Variants in NTM observed in about 807,000 individuals in gnomAD.
The protein encoded by NTM is neurotrimin.
Under a neutral mutation model 42.1 loss-of-function variants are expected in NTM, and 13 were observed. That is an observed-to-expected ratio of 0.31 (90% CI 0.20 to 0.49). The LOEUF is 0.49. Among genes scored for constraint, NTM ranks in the 20% least tolerant of loss-of-function variants. The pLI is 0.99. For missense variants in NTM, 373 were observed against 452.8 expected, an observed-to-expected ratio of 0.82 and a Z score of 1.60; for synonymous variants, 187 against 179.2, an observed-to-expected ratio of 1.04 and a Z score of -0.35.
chr11:131,822,389 T>C (rs539369761), intron 1 of NTM, among the ~76,000 whole-genome samples: 7 of 152,338 alleles, frequency 4.6e-5, no homozygotes, highest in African/African-American at 1.7e-4. Flanking sequence ...CAATGTTTTC[T>C]ATACACCAGT....
chr11:131,995,693 T>C (rs564300975), intron 2 of NTM, among the ~76,000 whole-genome samples: 7 of 152,156 alleles, frequency 4.6e-5, no homozygotes, highest in African/African-American at 1.7e-4. Context: ...GTCCTGTTGC[T>C]TGCTACACAG....
chr11:131,496,039 T>C (rs1177407504), intron 1 of NTM, among the ~76,000 whole-genome samples: 3 of 152,202 alleles, frequency 2.0e-5, no homozygotes, highest in African/African-American at 7.2e-5. Flanking sequence ...CTCATTAGGA[T>C]TGAAGGAAAG....
chr11:131,423,445 A>C (rs1947737203), intron 1 of NTM, among the ~76,000 whole-genome samples: 1 of 152,200 alleles, frequency 6.6e-6, no homozygotes, highest in Admixed American at 6.5e-5. Flanking sequence ...CTAAGTTTTG[A>C]AGTTTTCTAG....
chr11:131,548,625 C>G (rs2054254157), intron 1 of NTM, among the ~76,000 whole-genome samples: 1 of 152,190 alleles, frequency 6.6e-6, no homozygotes, highest in Non-Finnish European at 1.5e-5. Context: ...TGACTTCTTT[C>G]TATTCCGATC....
chr11:131,535,588 C>T (rs1202311764), intron 1 of NTM: 1 of 152,158 alleles, frequency 6.6e-6, no homozygotes, highest in Non-Finnish European at 1.5e-5. Flanking sequence ...CCTCCCATTC[C>T]AGGTGCACAG....
chr11:131,743,913 A>G (rs117313862), intron 1 of NTM, among the ~76,000 whole-genome samples: 3,143 of 152,306 alleles, frequency 0.021, 52 homozygotes, highest in Middle Eastern at 0.071. Flanking sequence ...CCAAATGTAT[A>G]CTTTGTGGTT....
At chr11:132,290,552 A>G (rs886576298) in intron 4 of NTM, among the ~76,000 whole-genome samples, 2 of 152,208 alleles carry the variant, frequency 1.3e-5, no homozygotes, top group Admixed American at 6.5e-5. Context: ...CTAGTAAATT[A>G]TAAATTTATT....
At chr11:131,794,933 T>C (rs919062113) in intron 1 of NTM, 11 of 985,078 alleles carry the variant, frequency 1.1e-5, no homozygotes, top group Middle Eastern at 5.2e-4. Flanking sequence ...GCTTTGGAGT[T>C]AGGGGAACCT....
At chr11:131,459,502 T>C (rs1440486993) in intron 1 of NTM, among the ~76,000 whole-genome samples, 2 of 150,136 alleles carry the variant, frequency 1.3e-5, no homozygotes, top group South Asian at 2.1e-4. Context: ...AGAAAGACTA[T>C]AGAAAAAAAA....
intron 1 of NTM, among the ~76,000 whole-genome samples, chr11:131,621,628 T>C (rs1193280970): frequency 1.1e-5 from 1 of 92,308 alleles, no homozygotes; most frequent in African/African-American, 4.9e-5. Flanking sequence ...AGTAACACCC[T>C]ATCTTTACAA....
rs1433131966 is a variant in NTM at position 132,126,257 on chromosome 11, C to T, written c.168-20025C>T. Among the ~76,000 whole-genome samples, 4 of 152,248 alleles carry T rather than the reference C, an allele frequency of 2.6e-5. No individual in the cohort carries two copies. In the East Asian group the frequency reaches 7.7e-4, roughly 29 times the overall value. ...ATAGCAGGGAGATACTGTTTCTCTC[C>T]AGCCCAGCTGTGGTGAGTTACTTCT... On this transcript the variant is annotated intron_variant, in intron 2 of 8. Coordinates refer to ENST00000683400, the MANE Select transcript of NTM (RefSeq NM_001352005.2).
At chr11:132,195,680 A>G (rs545170454) in intron 3 of NTM, among the ~76,000 whole-genome samples, 2 of 152,352 alleles carry the variant, frequency 1.3e-5, no homozygotes, top group African/African-American at 2.4e-5. Flanking sequence ...AACTGTTAAT[A>G]AAGTTGACAA....
chr11:131,396,002 G>A (rs887267756), intron 1 of NTM, among the ~76,000 whole-genome samples: 1 of 152,214 alleles, frequency 6.6e-6, no homozygotes, highest in Non-Finnish European at 1.5e-5. Context: ...TGACGTGGCA[G>A]TGCAGCTCCT....
chr11:131,374,003 A>G (rs969845114), intron 1 of NTM, among the ~76,000 whole-genome samples: 1 of 152,226 alleles, frequency 6.6e-6, no homozygotes, highest in African/African-American at 2.4e-5. Flanking sequence ...ACGTGGTGCC[A>G]GCAGCAGCTT....
At position 131,795,048 on chromosome 11, in the gene NTM, A is replaced by G. The variant is rs577923599; in HGVS notation, c.83-116516A>G. 2.8e-5 allele frequency: 25 copies of G among 882,902 alleles called. No individual in the cohort carries two copies. In the East Asian group the frequency reaches 7.3e-4, roughly 26 times the overall value. The allele number at this position is 882,902 out of a possible 1,614,324, so 54.7% of individuals were successfully genotyped here. On this transcript the variant is annotated intron_variant, in intron 1 of 8. Transcript: ENST00000683400. ...TGGACCCTGTAGCCAAAGGGGGGGA[A>G]AAAAACAGCACTAGTGATGTGGTCT...
At chr11:131,799,449 T>C (rs1348632640) in intron 1 of NTM, among the ~76,000 whole-genome samples, 3 of 152,180 alleles carry the variant, frequency 2.0e-5, no homozygotes, top group Non-Finnish European at 2.9e-5. Context: ...ATTTATTTAT[T>C]CTATATCCTC....
intron 2 of NTM, among the ~76,000 whole-genome samples, chr11:131,994,954 G>A (rs939181745): frequency 1.1e-4 from 16 of 152,036 alleles, no homozygotes; most frequent in African/African-American, 3.9e-4. Context: ...ATTGTTTGCA[G>A]TTTATTTGTA....
At chr11:131,448,907 AG>A (rs571155595) in intron 1 of NTM, among the ~76,000 whole-genome samples, 74 of 152,294 alleles carry the variant, frequency 4.9e-4, no homozygotes, top group Admixed American at 4.5e-3. Flanking sequence ...GGAGTTTTGC[AG>A]GGGGCATCTC....
At chr11:132,172,497 G>A (rs185148141) in intron 3 of NTM, among the ~76,000 whole-genome samples, 3 of 152,242 alleles carry the variant, frequency 2.0e-5, no homozygotes, top group Admixed American at 1.3e-4. Context: ...TTCAGTGGCT[G>A]GAAATCACCC....
Sources: gnomAD v4.1 joint callset for allele counts (sites outside exome capture counted in the v4.1 genomes callset) on GRCh38, gnomAD v4.1.1 for gene constraint, MANE v1.5 for transcripts, NCBI Gene and HGNC (gene_info 2026-07-23, HGNC 2026-07-21) for gene names.